Variants in SNAPC4 observed in about 807,000 individuals in gnomAD.
The protein encoded by SNAPC4 is snRNA-activating protein complex subunit 4.
A neutral mutation model predicts 151.3 loss-of-function variants in SNAPC4; 127 were observed. The ratio of observed to expected loss-of-function variants is 0.84; its 90% confidence interval spans 0.73 to 0.97. SNAPC4 has a LOEUF of 0.97. Among genes scored for constraint, SNAPC4 ranks in the 50% least tolerant of loss-of-function variants. The pLI is 0.00. For missense variants in SNAPC4, 2,186 were observed against 1,935.0 expected (o/e 1.13, Z -2.43); for synonymous variants, 1,002 against 824.4 (o/e 1.22, Z -3.69).
chr9:136,375,610 G>C lies in SNAPC4; in HGVS notation c.*198C>G, dbSNP rs1833416843. 1 of 152,386 alleles carries C rather than the reference G, an allele frequency of 6.6e-6. No homozygotes were observed. The highest frequency in any genetic ancestry group is 6.5e-5 in the Admixed American group (1 of 15,282). The allele number at this position is 152,386 out of a possible 1,614,324, so 9.4% of individuals were successfully genotyped here. A position where few individuals can be genotyped will look rare whatever the true frequency, so the allele number is the denominator to read the frequency against. ...TAAAAACAGAACTTTATTCCTCCAA[G>C]TGTTCAGGTGTGCACTTGGGGAACA... On this transcript the variant is annotated 3_prime_UTR_variant, in exon 24 of 24. Coordinates refer to ENST00000684778, the MANE Select transcript of SNAPC4 (RefSeq NM_003086.4).
In SNAPC4 at chr9:136,398,424, T is replaced by C; in HGVS notation, c.5A>G (p.Asp2Gly). 6.2e-7 allele frequency: 1 copy of C among 1,613,014 alleles called. No individual in the cohort carries two copies. Among genetic ancestry groups the C allele is most frequent in the African/African-American group, 1.3e-5 (1 of 74,986 alleles). Residue 2 changes from aspartate to glycine, a missense_variant, in exon 2 of 24, where the codon GAT (aspartate) becomes GGT (glycine). By Grantham distance (94) the Asp-to-Gly change is moderately conservative. Coordinates refer to ENST00000684778, the MANE Select transcript of SNAPC4 (RefSeq NM_003086.4). ...TATCTTCTCTCTTTCAGCATCTACATCCATGACTCCCGCCTGCCTCCAAAA... is the reference window on the plus strand; with the variant it reads ...TATCTTCTCTCTTTCAGCATCTACACCCATGACTCCCGCCTGCCTCCAAAA... The part of the protein sequence containing the change: M[D>G]VDAEREKITQ...
intron 18 of SNAPC4, 148 bp downstream of exon 18, chr9:136,381,676 C>T (rs755579163): frequency 1.7e-5 from 16 of 969,578 alleles, no homozygotes; most frequent in Admixed American, 4.9e-5. Flanking sequence ...CCTTCAGGGA[C>T]GGGAAGCTGA....
intron 22 of SNAPC4, among the ~76,000 whole-genome samples, chr9:136,377,140 CCAGAGA>C (rs1291763474): frequency 6.7e-6 from 1 of 149,764 alleles, no homozygotes; most frequent in African/African-American, 2.4e-5. Flanking sequence ...CCCCAGAAAT[CCAGAGA>C]CAAACACAGC....
chr9:136,393,347 C>T (rs1054782946), intron 7 of SNAPC4, among the ~76,000 whole-genome samples: 4 of 152,218 alleles, frequency 2.6e-5, no homozygotes, highest in African/African-American at 4.8e-5. Context: ...TCTAAAGGCA[C>T]CCCCTCTGCC....
At chr9:136,398,805 A>T (rs1265591309) in intron 1 of SNAPC4, 1 of 209,616 alleles carries the variant, frequency 4.8e-6, no homozygotes, top group Non-Finnish European at 9.9e-6. Context: ...TGTGGGGTGC[A>T]GTGGCAAAGT....
At chr9:136,386,521 G>A (rs190279093) in intron 13 of SNAPC4, among the ~76,000 whole-genome samples, 8 of 141,160 alleles carry the variant, frequency 5.7e-5, no homozygotes, top group Admixed American at 2.3e-4. Context: ...TGCATCCTCC[G>A]CCTCCCAGTT....
At position 136,383,471 on chromosome 9, in the gene SNAPC4, G is replaced by C; in HGVS notation, c.1698C>G (p.Val566=). 4 of 1,564,932 alleles carry C rather than the reference G, an allele frequency of 2.6e-6. No individual in the cohort carries two copies. The East Asian group carries it at 7.2e-5, about 28-fold the overall frequency. Residue 566 remains valine, a synonymous_variant, in exon 16 of 24, where the codon GTC becomes GTG. Transcript: ENST00000684778. This position sits in a 1 kb window ranked among gnomAD's most constrained non-coding sequence, Gnocchi z 4.2. ...DRALLSPQYM[V]PDMDLWVPAR... ...CAGGAACCCACAGGTCCATGTCCGG[G>C]ACCATGTACTGTGGGGACAGCAGCG...
rs775836180 is a variant in SNAPC4 at position 136,392,113 on chromosome 9, C to T, written c.811-7G>A. The T allele has an allele frequency of 1.1e-5, 17 of 1,611,146 alleles. No homozygotes were observed. The highest frequency in any genetic ancestry group is 5.0e-5 in the Admixed American group (3 of 59,970). ...CACTGCGGCTGCCTTCAAACTGCAC[C>T]GACAGAGACACTCAGCCTTGCAGGC... On this transcript the variant is annotated splice_polypyrimidine_tract_variant and splice_region_variant and intron_variant, in intron 9 of 23. Transcript: ENST00000684778.
At chr9:136,392,497 G>C (rs1834113990) in intron 9 of SNAPC4, 25 bp downstream of exon 9, 1 of 1,610,536 alleles carries the variant, frequency 6.2e-7, no homozygotes, top group Admixed American at 1.7e-5. Flanking sequence ...AAGCTGCTTG[G>C]GGCTCAGACC....
chr9:136,377,614 G>A lies in SNAPC4; in HGVS notation c.4213C>T (p.Leu1405Phe), dbSNP rs1047970964. Residue 1405 changes from leucine (L) to phenylalanine (F), a missense_variant, in exon 22 of 24, where the codon CTC (leucine) becomes TTC (phenylalanine). Leu to Phe is a conservative substitution (Grantham distance 22). Transcript: ENST00000684778. ...TCTGCAAGTTCCAGCTCACTCAGGA[G>A]GTCTTCATCCTCACTCTCAGAGCCC... is the stretch of plus-strand genomic sequence containing the variant. ...RVGSESEDEDLLSELELADRD... is the reference protein window; with the variant it reads ...RVGSESEDEDFLSELELADRD... 8 of 1,558,954 alleles carry A rather than the reference G, an allele frequency of 5.1e-6. No homozygotes were observed. Among genetic ancestry groups the A allele is most frequent in the South Asian group, 1.2e-5 (1 of 85,072 alleles).
At chr9:136,382,384 C>G (rs767534310) in intron 16 of SNAPC4, 48 bp from the exon 17 acceptor site, 1 of 1,514,776 alleles carries the variant, frequency 6.6e-7, no homozygotes, top group Admixed American at 1.7e-5. Context: ...GTACGGGACA[C>G]ATGGGGGCCC....
At position 136,381,841 on chromosome 9, in the gene SNAPC4, G is replaced by A. The variant is rs1833704355; in HGVS notation, c.2300C>T (p.Ala767Val). Residue 767 changes from alanine to valine, a missense_variant, in exon 18 of 24, where the codon GCC becomes GTC. Coordinates refer to ENST00000684778, the MANE Select transcript of SNAPC4 (RefSeq NM_003086.4). ...GGCCATACCTTGAGTCTGCACTACG[G>A]CGGGTCTCTGGGAAGCCTGTGTGCA... Reference protein sequence around the residue: ...VPCTQASQRPAVVQTQADGLR... With the variant: ...VPCTQASQRPVVVQTQADGLR... 1 of 1,609,458 alleles carries A rather than the reference G, an allele frequency of 6.2e-7. No homozygotes were observed. Among genetic ancestry groups the A allele is most frequent in the African/African-American group, 1.3e-5 (1 of 75,024 alleles).
intron 13 of SNAPC4, among the ~76,000 whole-genome samples, chr9:136,385,683 GT>G (rs1207905569): frequency 6.6e-6 from 1 of 151,994 alleles, no homozygotes; most frequent in Non-Finnish European, 1.5e-5. Context: ...AGCCTCCCGA[GT>G]AGCTGGGATT....
At chr9:136,392,136 G>A in intron 9 of SNAPC4, 30 bp from the exon 10 acceptor site, 1 of 1,609,300 alleles carries the variant, frequency 6.2e-7, no homozygotes, top group Non-Finnish European at 8.5e-7. Flanking sequence ...CAGCCTTGCA[G>A]GCCACTGACC....
chr9:136,395,523 C>G, intron 4 of SNAPC4, 80 bp downstream of exon 4: 19 of 1,566,754 alleles, frequency 1.2e-5, no homozygotes, highest in Non-Finnish European at 1.6e-5. Context: ...AGCTGGGGAG[C>G]CCTGGACCTG....
In SNAPC4 at chr9:136,383,383, C is replaced by A. The variant is rs554527590; in HGVS notation, c.1786G>T (p.Ala596Ser). The change falls in exon 16 of 24, where the codon GCC (alanine) becomes TCC (serine). Residue 596 changes from alanine to serine, a missense_variant. Coordinates refer to ENST00000684778, the MANE Select transcript of SNAPC4 (RefSeq NM_003086.4). This position sits in a 1 kb window ranked among gnomAD's most constrained non-coding sequence, Gnocchi z 4.2. ...GACCCCTTGGGAGGGCTGAGGGAGG[C>A]AGCGGGGCCTCCCAGCCAGGCCCCT... is the stretch of plus-strand genomic sequence containing the variant. ...GAGAWLGGPAASLSPPKGSSA... is the reference protein window; with the variant it reads ...GAGAWLGGPASSLSPPKGSSA... The A allele has an allele frequency of 1.3e-6, 2 of 1,592,454 alleles. No homozygotes were observed. The highest frequency in any genetic ancestry group is 3.5e-5 in the Admixed American group (2 of 57,206).
At chr9:136,397,589 A>G (rs1259116675) in intron 2 of SNAPC4, among the ~76,000 whole-genome samples, 13 of 77,880 alleles carry the variant, frequency 1.7e-4, no homozygotes, top group Non-Finnish European at 2.8e-4. Context: ...TGGGGAGCCT[A>G]TGGGGTGGGG....
chr9:136,377,698 G>A lies in SNAPC4; in HGVS notation c.4129C>T (p.Leu1377Phe), dbSNP rs541907585. 2.5e-6 allele frequency: 4 copies of A among 1,609,130 alleles called. No homozygotes were observed. In the African/African-American group the frequency reaches 5.3e-5, roughly 21 times the overall value. The change falls in exon 22 of 24, where the codon CTC (leucine) becomes TTC (phenylalanine). Residue 1377 changes from leucine (L) to phenylalanine (F), a missense_variant. Coordinates refer to ENST00000684778, the MANE Select transcript of SNAPC4 (RefSeq NM_003086.4). ...CCTTGGGGGGCCAGGGTGGCCAGGA[G>A]CGCAGGGAGGGTGAAGGCTGCCAGG... ...RFLAAFTLPA[L>F]LATLAPQGVR...
Position 136,377,776 on chromosome 9 carries a change from C to G in SNAPC4, c.4051G>C (p.Val1351Leu). 1 of 1,611,826 alleles carries G rather than the reference C, an allele frequency of 6.2e-7. No homozygotes were observed. The highest frequency in any genetic ancestry group is 8.5e-7 in the Non-Finnish European group (1 of 1,179,558). ...AGALQASLGL[V>L]RGQLQDNPAY... is the part of the protein sequence containing the mutation. ...GGGTTGTCCTGGAGCTGCCCCCGCA[C>G]CAGCCCCAGTGAGGCTTGCAGTGCT... The change falls in exon 22 of 24, where the codon GTG becomes CTG. Residue 1351 changes from valine (V) to leucine (L), a missense_variant. Coordinates refer to ENST00000684778, the MANE Select transcript of SNAPC4 (RefSeq NM_003086.4).
Sources: gnomAD v4.1 joint callset for allele counts (sites outside exome capture counted in the v4.1 genomes callset) on GRCh38, gnomAD v4.1.1 for gene constraint, Gnocchi (gnomAD v3.1) non-coding constraint, MANE v1.5 for transcripts, NCBI Gene and HGNC (gene_info 2026-07-23, HGNC 2026-07-21) for gene names.